Variants in PLA2G4C observed in about 807,000 individuals in gnomAD.
The protein encoded by PLA2G4C is cytosolic phospholipase A2 gamma.
In PLA2G4C, 64 loss-of-function variants were observed where a neutral mutation model predicts 73.8. The observed-to-expected ratio is 0.87, with a 90% CI of 0.71 to 1.07. The LOEUF (loss-of-function observed/expected upper bound fraction) is 1.07, where lower values mean the gene tolerates loss of function less well. Ranked by LOEUF, PLA2G4C falls within the 50% of genes least tolerant of loss-of-function variation. The pLI, the probability that PLA2G4C is intolerant of heterozygous loss-of-function variation, is 0.00. For missense variants in PLA2G4C, 622 were observed against 665.4 expected (o/e 0.93, Z 0.72); for synonymous variants, 254 against 252.1 (o/e 1.01, Z -0.07).
intron 10 of PLA2G4C, among the ~76,000 whole-genome samples, chr19:48,079,093 C>T (rs984049334): frequency 3.3e-5 from 5 of 152,102 alleles, no homozygotes; most frequent in African/African-American, 1.2e-4. Flanking sequence ...GTCTCAAACT[C>T]CTGACCTCAG....
At chr19:48,106,244 G>T (rs1269515846) in intron 2 of PLA2G4C, among the ~76,000 whole-genome samples, 3 of 151,204 alleles carry the variant, frequency 2.0e-5, no homozygotes, top group African/African-American at 7.3e-5. Flanking sequence ...CACTATGCTT[G>T]GCTAATTTTT....
At position 48,049,505 on chromosome 19, in the gene PLA2G4C, C is replaced by T. The variant is rs539226731; in HGVS notation, c.1581-1117G>A. On this transcript the variant is annotated intron_variant, in intron 16 of 16. Coordinates refer to ENST00000599921, the MANE Select transcript of PLA2G4C (RefSeq NM_003706.3). ...TACCTGTTTATGTCATGTTGCCCCC[C>T]GGGAGGAGGTACATTCTACAAGAGC... Among the ~76,000 whole-genome samples the T allele has an allele frequency of 4.7e-3, 719 of 152,084 alleles. 6 individuals carry two copies. The highest frequency in any genetic ancestry group is 0.016 in the African/African-American group (682 of 41,488).
chr19:48,087,837 G>A (rs996088620), intron 9 of PLA2G4C, among the ~76,000 whole-genome samples: 22 of 152,018 alleles, frequency 1.4e-4, no homozygotes, highest in Admixed American at 1.0e-3. Flanking sequence ...AGGAGGCTGC[G>A]GCAGGAGAAT....
chr19:48,081,443 G>A (rs2030556550), intron 10 of PLA2G4C, among the ~76,000 whole-genome samples: 2 of 151,952 alleles, frequency 1.3e-5, no homozygotes, highest in Non-Finnish European at 2.9e-5. Flanking sequence ...AAAGAGGAGG[G>A]TAGGGAGGTG....
intron 13 of PLA2G4C, among the ~76,000 whole-genome samples, chr19:48,065,285 G>C (rs935331356): frequency 2.9e-5 from 4 of 136,064 alleles, no homozygotes; most frequent in South Asian, 2.7e-4. Context: ...GTCGGGGGGG[G>C]GCTTCCAGGT....
At chr19:48,066,588 C>A (rs980395464) in intron 13 of PLA2G4C, among the ~76,000 whole-genome samples, 1 of 152,008 alleles carries the variant, frequency 6.6e-6, no homozygotes. Context: ...ATTCACCCCC[C>A]TGGAAGATGC....
intron 14 of PLA2G4C, among the ~76,000 whole-genome samples, chr19:48,058,816 CAA>C (rs148968011): frequency 1.3e-4 from 15 of 112,054 alleles, no homozygotes; most frequent in Admixed American, 2.9e-4. Flanking sequence ...GACTCCATCT[CAA>C]AAAAAAAAAA....
At position 48,057,481 on chromosome 19, in the gene PLA2G4C, TTC is replaced by T. The variant is rs1227439238; in HGVS notation, c.1258-2434_1258-2433del. 2.7e-3 allele frequency among the ~76,000 whole-genome samples: 82 copies of T among 30,356 alleles called. 8 individuals are homozygous for T. Among genetic ancestry groups the T allele is most frequent in the African/African-American group, 5.5e-3 (30 of 5,496 alleles). The allele number at this position is 30,356 out of a possible 152,430, so 19.9% of individuals were successfully genotyped here. The stretch of plus-strand genomic sequence containing the variant: ...TTTCTTCTTCTTCTTCTTCTTCTTC[TTC>T]TTTTTTTTTTTTTTTTTTTTTTTTT... On this transcript the variant is annotated intron_variant, in intron 14 of 16. Transcript: ENST00000599921.
chr19:48,069,389 G>A (rs758344662), intron 12 of PLA2G4C, among the ~76,000 whole-genome samples: 3 of 152,034 alleles, frequency 2.0e-5, no homozygotes, highest in East Asian at 1.9e-4. Flanking sequence ...ACACTTTCCC[G>A]TGCTCCCTTC....
chr19:48,080,520 A>G (rs2030478502), intron 10 of PLA2G4C, among the ~76,000 whole-genome samples: 3 of 152,064 alleles, frequency 2.0e-5, no homozygotes, highest in Admixed American at 2.0e-4. Flanking sequence ...TGAAAAAGAC[A>G]CTTGTGGGCT....
chr19:48,055,410 T>TATATATATATATATATATATA (rs201946576), intron 14 of PLA2G4C, among the ~76,000 whole-genome samples: 28 of 148,346 alleles, frequency 1.9e-4, no homozygotes, highest in African/African-American at 5.6e-4. Flanking sequence ...TATATATATA[T>TATATATATATATATATATATA]TTCAATTAGC....
intron 4 of PLA2G4C, 159 bp downstream of exon 4, chr19:48,104,429 T>C (rs1354664356): frequency 6.1e-6 from 4 of 657,846 alleles, no homozygotes; most frequent in Non-Finnish European, 7.7e-6. Context: ...GAACTCCAGG[T>C]AGCCAGCGTC....
At chr19:48,054,805 G>A (rs1444781746) in intron 15 of PLA2G4C, 73 bp downstream of exon 15, 2 of 1,344,002 alleles carry the variant, frequency 1.5e-6, no homozygotes, top group Non-Finnish European at 1.1e-6. Context: ...CCCAGTCTCA[G>A]GTATGTTTTT....
chr19:48,072,851 T>C lies in PLA2G4C; in HGVS notation c.1006+1916A>G, dbSNP rs3786772. The C allele has an allele frequency of 0.099, 15,025 of 152,300 alleles. 1,209 individuals are homozygous for C. The highest frequency in any genetic ancestry group is 0.28 in the East Asian group (1,443 of 5,166). The allele number at this position is 152,300 out of a possible 1,614,324, so 9.4% of individuals were successfully genotyped here. A position where few individuals can be genotyped will look rare whatever the true frequency, so the allele number is the denominator to read the frequency against. On this transcript the variant is annotated intron_variant, in intron 12 of 16. Transcript: ENST00000599921. The surrounding 1 kb of genome is among the most constrained non-coding windows in gnomAD (Gnocchi z 4.4). ...GTCAGGAGGACTCTGGGTGTGTCTG[T>C]GCCTGGACACCGGGTCATCACAGAG...
intron 12 of PLA2G4C, 55 bp downstream of exon 12, chr19:48,074,712 G>T: frequency 8.4e-7 from 1 of 1,191,822 alleles, no homozygotes; most frequent in South Asian, 1.2e-5. Context: ...GCAAGAGGGG[G>T]GAGAAGGTTG....
At chr19:48,091,426 G>T (rs922483311) in intron 7 of PLA2G4C, among the ~76,000 whole-genome samples, 15 of 152,096 alleles carry the variant, frequency 9.9e-5, no homozygotes, top group Admixed American at 2.6e-4. Flanking sequence ...GACCTCAAGT[G>T]ATCTGCCCGC....
chr19:48,096,893 T>A (rs2031596899), intron 6 of PLA2G4C: 1 of 151,984 alleles, frequency 6.6e-6, no homozygotes, highest in South Asian at 2.1e-4. Context: ...CGGTGGCTCA[T>A]GCCTGTAATC....
At chr19:48,062,503 G>A (rs1360630937) in intron 13 of PLA2G4C, among the ~76,000 whole-genome samples, 2 of 152,052 alleles carry the variant, frequency 1.3e-5, no homozygotes, top group Non-Finnish European at 2.9e-5. Flanking sequence ...ACAGCTACTT[G>A]GGAGGCTGAG....
chr19:48,080,348 C>T (rs957731923), intron 10 of PLA2G4C, among the ~76,000 whole-genome samples: 1 of 151,894 alleles, frequency 6.6e-6, no homozygotes, highest in African/African-American at 2.4e-5. Context: ...GGTGTGGATG[C>T]GGTGCAAATG....
Sources: gnomAD v4.1 joint callset for allele counts (sites outside exome capture counted in the v4.1 genomes callset) on GRCh38, gnomAD v4.1.1 for gene constraint, Gnocchi (gnomAD v3.1) non-coding constraint, MANE v1.5 for transcripts, NCBI Gene and HGNC (gene_info 2026-07-23, HGNC 2026-07-21) for gene names.